GALNT13: variants seen among roughly 807,000 people sequenced by gnomAD.
The protein encoded by GALNT13 is polypeptide N-acetylgalactosaminyltransferase 13, also known as UDP-GalNAc:polypeptide N-acetylgalactosaminyltransferase 13.
A neutral mutation model predicts 64.2 loss-of-function variants in GALNT13; 28 were observed. That is an observed-to-expected ratio of 0.44 (90% CI 0.32 to 0.60). The LOEUF (loss-of-function observed/expected upper bound fraction) is 0.60. Ranked by LOEUF, GALNT13 falls within the 20% of genes least tolerant of loss-of-function variation. The pLI is 0.05. For missense variants in GALNT13, 577 were observed against 669.8 expected, an observed-to-expected ratio of 0.86 and a Z score of 1.53; for synonymous variants, 214 against 224.6, an observed-to-expected ratio of 0.95 and a Z score of 0.42.
chr2:153,406,861 T>C, the GALNT13 span, among the ~76,000 whole-genome samples: 870 of 152,322 alleles, frequency 5.7e-3, 8 homozygotes, highest in African/African-American at 0.02. Context: ...TATAATAATG[T>C]TTAAATCTCT....
chr2:153,586,143 T>C, the GALNT13 span, among the ~76,000 whole-genome samples: 1 of 151,830 alleles, frequency 6.6e-6, no homozygotes, highest in Non-Finnish European at 1.5e-5. Context: ...AGGAAGACAA[T>C]TCACAAAACA....
At chr2:154,115,870 T>A (rs12994376) in intron 3 of GALNT13, among the ~76,000 whole-genome samples, 1 of 152,150 alleles carries the variant, frequency 6.6e-6, no homozygotes, top group Non-Finnish European at 1.5e-5. Flanking sequence ...ATGCTTGTTA[T>A]CCAGATTTCT....
At chr2:153,528,189 C>T in the GALNT13 span, among the ~76,000 whole-genome samples, 1 of 151,680 alleles carries the variant, frequency 6.6e-6, no homozygotes, top group Non-Finnish European at 1.5e-5. Context: ...AAACACACCT[C>T]ATCTATAAAA....
chr2:154,417,846 C>T (rs892567244), intron 11 of GALNT13, among the ~76,000 whole-genome samples: 2 of 151,974 alleles, frequency 1.3e-5, no homozygotes, highest in Non-Finnish European at 1.5e-5. Flanking sequence ...TCAATCTAGT[C>T]GCACTTCAAA....
the GALNT13 span, among the ~76,000 whole-genome samples, chr2:153,711,953 C>T: frequency 6.6e-6 from 1 of 152,120 alleles, no homozygotes; most frequent in Non-Finnish European, 1.5e-5. Context: ...ATAATCAAAG[C>T]AGTCTTTTTG....
chr2:153,484,902 C>T, the GALNT13 span, among the ~76,000 whole-genome samples: 1 of 152,174 alleles, frequency 6.6e-6, no homozygotes, highest in East Asian at 1.9e-4. Flanking sequence ...AAACTTGCTT[C>T]CTGGGTCTAT....
chr2:154,291,121 G>A (rs1055148235), intron 8 of GALNT13, among the ~76,000 whole-genome samples: 5 of 152,170 alleles, frequency 3.3e-5, no homozygotes, highest in Admixed American at 1.3e-4. Flanking sequence ...CGGCTGGCTT[G>A]GGTGGCCTTT....
At chr2:153,269,887 A>G in the GALNT13 span, among the ~76,000 whole-genome samples, 1 of 152,116 alleles carries the variant, frequency 6.6e-6, no homozygotes, top group Non-Finnish European at 1.5e-5. Flanking sequence ...AGAACTCACT[A>G]TCATAAGAAC....
chr2:153,973,246 A>G lies in GALNT13; in HGVS notation c.142+28607A>G, dbSNP rs564634314. ...ACCTAGAGCTCTATTTAAAAATTAC[A>G]GTGATCGTGAAAAGACCTCTATAAT... is the stretch of plus-strand genomic sequence containing the variant. On this transcript the variant is annotated intron_variant, in intron 3 of 12. Coordinates refer to ENST00000392825, the MANE Select transcript of GALNT13 (RefSeq NM_052917.4). Among the ~76,000 whole-genome samples, 7 of 152,096 alleles carry G rather than the reference A, an allele frequency of 4.6e-5. No individual in the cohort carries two copies. In the South Asian group the frequency reaches 1.2e-3, roughly 27 times the overall value.
chr2:154,371,752 G>T (rs1244151326), intron 9 of GALNT13, among the ~76,000 whole-genome samples: 1 of 63,730 alleles, frequency 1.6e-5, no homozygotes, highest in African/African-American at 6.6e-5. Context: ...AGAAAACAAG[G>T]CCTTAAGCTT....
At chr2:154,349,161 A>G (rs975819302) in intron 9 of GALNT13, among the ~76,000 whole-genome samples, 3 of 152,232 alleles carry the variant, frequency 2.0e-5, no homozygotes, top group African/African-American at 4.8e-5. Flanking sequence ...ACAGGCACGT[A>G]TAATCCAAGG....
chr2:153,515,078 G>A, the GALNT13 span, among the ~76,000 whole-genome samples: 1 of 152,076 alleles, frequency 6.6e-6, no homozygotes, highest in Non-Finnish European at 1.5e-5. Flanking sequence ...CTGTTTTTCT[G>A]GTCCATCTCC....
rs564163655 is a variant in GALNT13, at chr2:153,918,345, G to C, written c.-105+17338G>C. Among the ~76,000 whole-genome samples the C allele has an allele frequency of 4.6e-5, 7 of 152,214 alleles. No homozygotes were observed. In the South Asian group the frequency reaches 1.5e-3, roughly 32 times the overall value. On this transcript the variant is annotated intron_variant, in intron 2 of 12. Transcript: ENST00000392825. ...AACATACACCAATCAAACAGGGTGA[G>C]AATTTGGGATGACAAAGTCAAGTAA...
intron 6 of GALNT13, 69 bp downstream of exon 6, chr2:154,242,974 C>A: frequency 2.4e-6 from 3 of 1,235,956 alleles, no homozygotes; most frequent in Non-Finnish European, 3.4e-6. Flanking sequence ...AGATGTCCAT[C>A]AGAATTTCTC....
At chr2:153,577,406 C>G in the GALNT13 span, among the ~76,000 whole-genome samples, 1 of 152,068 alleles carries the variant, frequency 6.6e-6, no homozygotes, top group Non-Finnish European at 1.5e-5. Flanking sequence ...TAATGCATCA[C>G]TTTTCCTCCA....
the GALNT13 span, among the ~76,000 whole-genome samples, chr2:153,790,036 C>A: frequency 6.6e-6 from 1 of 152,142 alleles, no homozygotes; most frequent in Non-Finnish European, 1.5e-5. Context: ...CCTACTAAAA[C>A]TATTTCAAAA....
chr2:153,634,894 A>G, the GALNT13 span, among the ~76,000 whole-genome samples: 1 of 146,754 alleles, frequency 6.8e-6, no homozygotes, highest in East Asian at 2.0e-4. Flanking sequence ...ACTGCTATAG[A>G]TTTTTTTTTT....
At chr2:154,207,658 A>G (rs961080037) in intron 4 of GALNT13, among the ~76,000 whole-genome samples, 1 of 152,170 alleles carries the variant, frequency 6.6e-6, no homozygotes, top group African/African-American at 2.4e-5. Flanking sequence ...AGATCAGGTG[A>G]TTAATTATAT....
At chr2:153,726,729 A>G in the GALNT13 span, among the ~76,000 whole-genome samples, 42 of 152,200 alleles carry the variant, frequency 2.8e-4, no homozygotes, top group Admixed American at 9.2e-4. Flanking sequence ...TCACAAGGTC[A>G]GGAGATCAAG....
Sources: gnomAD v4.1 joint callset for allele counts (sites outside exome capture counted in the v4.1 genomes callset) on GRCh38, gnomAD v4.1.1 for gene constraint, MANE v1.5 for transcripts, NCBI Gene and HGNC (gene_info 2026-07-23, HGNC 2026-07-21) for gene names.